ZNF608: variants seen among roughly 807,000 people sequenced by gnomAD.
ZNF608 encodes the protein zinc finger protein 608.
In ZNF608, 12 loss-of-function variants were observed where a neutral mutation model predicts 109.0. The observed-to-expected ratio is 0.11, with a 90% confidence interval of 0.07 to 0.18. The LOEUF (loss-of-function observed/expected upper bound fraction) is 0.18. Among genes scored for constraint, ZNF608 ranks in the 10% least tolerant of loss-of-function variants. ZNF608 has a pLI of 1.00. For missense variants in ZNF608, 1,707 were observed against 1,879.3 expected, an observed-to-expected ratio of 0.91 and a Z score of 1.70; for synonymous variants, 732 against 717.4, an observed-to-expected ratio of 1.02 and a Z score of -0.33.
chr5:124,733,836 A>T (rs1280921528), intron 2 of ZNF608, among the ~76,000 whole-genome samples: 1 of 152,212 alleles, frequency 6.6e-6, no homozygotes, highest in African/African-American at 2.4e-5. Flanking sequence ...ATCTAAAAAT[A>T]AGTTTTTAGA....
At chr5:124,677,875 C>G (rs1026045973) in intron 3 of ZNF608, among the ~76,000 whole-genome samples, 11 of 152,114 alleles carry the variant, frequency 7.2e-5, no homozygotes, top group Non-Finnish European at 1.5e-4. Flanking sequence ...CTGCAGAAGG[C>G]CCCGAGCCAG....
chr5:124,719,606 T>A (rs1753829873), intron 2 of ZNF608, among the ~76,000 whole-genome samples: 2 of 152,232 alleles, frequency 1.3e-5, no homozygotes, highest in Non-Finnish European at 2.9e-5. Flanking sequence ...ATTTGCCCCC[T>A]AAGTCAGTTA....
chr5:124,723,680 G>A (rs1397701614), intron 2 of ZNF608, among the ~76,000 whole-genome samples: 1 of 152,120 alleles, frequency 6.6e-6, no homozygotes, highest in Non-Finnish European at 1.5e-5. Context: ...GGAGTGAGAC[G>A]CTGACTCCAT....
chr5:124,712,635 C>T (rs1349331389), intron 2 of ZNF608, among the ~76,000 whole-genome samples: 2 of 152,136 alleles, frequency 1.3e-5, no homozygotes, highest in East Asian at 3.9e-4. Flanking sequence ...TGTCCAATGA[C>T]ACCAATGGAG....
At chr5:124,743,805 C>T (rs1749521574) in intron 2 of ZNF608, among the ~76,000 whole-genome samples, 1 of 152,162 alleles carries the variant, frequency 6.6e-6, no homozygotes, top group Non-Finnish European at 1.5e-5. Flanking sequence ...GCAAAAGGTA[C>T]TTAGAACACT....
At chr5:124,740,275 T>C (rs2149903049) in intron 2 of ZNF608, among the ~76,000 whole-genome samples, 1 of 152,274 alleles carries the variant, frequency 6.6e-6, no homozygotes, top group Middle Eastern at 3.4e-3. Context: ...CAAAAAGCCC[T>C]GTCACCCTGT....
intron 8 of ZNF608, among the ~76,000 whole-genome samples, chr5:124,639,576 C>T (rs1353449954): frequency 6.6e-6 from 1 of 152,198 alleles, no homozygotes; most frequent in Non-Finnish European, 1.5e-5. Flanking sequence ...AAGCGGCATG[C>T]TATTTGCCTA....
intron 3 of ZNF608, among the ~76,000 whole-genome samples, chr5:124,667,071 C>T (rs1187762484): frequency 6.6e-6 from 1 of 152,108 alleles, no homozygotes; most frequent in African/African-American, 2.4e-5. Context: ...TTTTCATCTA[C>T]TTAATATAAA....
At chr5:124,651,745 C>T (rs1295457669) in intron 3 of ZNF608, among the ~76,000 whole-genome samples, 1 of 152,266 alleles carries the variant, frequency 6.6e-6, no homozygotes, top group African/African-American at 2.4e-5. Flanking sequence ...TGGCCGGCGC[C>T]CGCTGCGAGC....
At chr5:124,640,209 G>C (rs942627992) in intron 8 of ZNF608, among the ~76,000 whole-genome samples, 5 of 152,160 alleles carry the variant, frequency 3.3e-5, no homozygotes, top group Admixed American at 2.0e-4. Context: ...AGTAGCATAA[G>C]AGGCAACTTG....
At chr5:124,714,676 G>A (rs954569163) in intron 2 of ZNF608, among the ~76,000 whole-genome samples, 29 of 152,154 alleles carry the variant, frequency 1.9e-4, no homozygotes, top group African/African-American at 1.4e-4. Context: ...AAAGCCCGTC[G>A]TAGTATCTCT....
chr5:124,702,990 A>T (rs150409474), intron 2 of ZNF608, among the ~76,000 whole-genome samples: 156 of 152,290 alleles, frequency 1.0e-3, no homozygotes, highest in African/African-American at 3.6e-3. Context: ...AAAAAAAACA[A>T]TGCTACCTAG....
At chr5:124,706,085 A>C (rs1428892318) in intron 2 of ZNF608, among the ~76,000 whole-genome samples, 1 of 152,234 alleles carries the variant, frequency 6.6e-6, no homozygotes, top group African/African-American at 2.4e-5. Flanking sequence ...TAATTGTAGA[A>C]CTACAACCAA....
At chr5:124,643,425 C>A in intron 7 of ZNF608, 86 bp downstream of exon 7, 1 of 1,357,764 alleles carries the variant, frequency 7.4e-7, no homozygotes. Flanking sequence ...GTTCCGAAAC[C>A]ATTTATATTT....
At chr5:124,653,200 C>T (rs976766886) in intron 3 of ZNF608, among the ~76,000 whole-genome samples, 2 of 152,206 alleles carry the variant, frequency 1.3e-5, no homozygotes, top group African/African-American at 4.8e-5. Flanking sequence ...CTTCTTTGTA[C>T]TGTTAACACT....
chr5:124,717,722 G>C (rs1236801782), intron 2 of ZNF608, among the ~76,000 whole-genome samples: 3 of 152,094 alleles, frequency 2.0e-5, no homozygotes, highest in African/African-American at 4.8e-5. Flanking sequence ...GTTAACTCAA[G>C]ACCACAGGAG....
intron 2 of ZNF608, among the ~76,000 whole-genome samples, chr5:124,740,608 T>G (rs961174561): frequency 1.3e-5 from 2 of 151,594 alleles, no homozygotes; most frequent in Non-Finnish European, 2.9e-5. Flanking sequence ...AATTCCCTGG[T>G]GAAGTATAAA....
chr5:124,713,433 T>C (rs72781239), intron 2 of ZNF608, among the ~76,000 whole-genome samples: 5,221 of 152,334 alleles, frequency 0.034, 133 homozygotes, highest in Middle Eastern at 0.099. Context: ...TTGCAGTCAA[T>C]GTAATGACAG....
chr5:124,722,607 ACACACACACACACG>A (rs1753977313), intron 2 of ZNF608, among the ~76,000 whole-genome samples: 1 of 149,314 alleles, frequency 6.7e-6, no homozygotes, highest in African/African-American at 2.4e-5. Flanking sequence ...ACACACACAC[ACACACACACACACG>A]CAAGAAATTC....
Sources: gnomAD v4.1 joint callset for allele counts (sites outside exome capture counted in the v4.1 genomes callset) on GRCh38, gnomAD v4.1.1 for gene constraint, MANE v1.5 for transcripts, NCBI Gene and HGNC (gene_info 2026-07-23, HGNC 2026-07-21) for gene names.